The following FGFR2 variants were observed in gnomAD, a reference collection of about 807,000 sequenced individuals.
FGFR2 encodes the protein BEK fibroblast growth factor receptor.
FGFR2 carries 19 observed loss-of-function variants against 95.9 expected under a neutral mutation model. That is an observed-to-expected ratio of 0.20 (90% confidence interval 0.14 to 0.29). The LOEUF is 0.29. Among genes scored for constraint, FGFR2 ranks in the 10% least tolerant of loss-of-function variants. The pLI is 1.00. For missense variants in FGFR2, 707 were observed against 1,056.9 expected (o/e 0.67, Z 4.59); for synonymous variants, 392 against 393.3 (o/e 1.00, Z 0.04).
At chr10:121,509,133 C>T (rs574694051) in intron 9 of FGFR2, among the ~76,000 whole-genome samples, 6 of 152,198 alleles carry the variant, frequency 3.9e-5, no homozygotes, top group Admixed American at 6.5e-5. Flanking sequence ...TCTTCAATTC[C>T]TACCTAGAAA....
intron 11 of FGFR2, 119 bp downstream of exon 11, chr10:121,500,707 T>C: frequency 2.2e-6 from 3 of 1,393,660 alleles, no homozygotes; most frequent in Non-Finnish European, 3.0e-6. Context: ...TCTCAACCCC[T>C]AGGTCAACTA....
At chr10:121,521,977 A>AC (rs1850616026) in intron 6 of FGFR2, among the ~76,000 whole-genome samples, 1 of 152,148 alleles carries the variant, frequency 6.6e-6, no homozygotes, top group Non-Finnish European at 1.5e-5. Context: ...AGAAGGAGGA[A>AC]ATGGTGCAAT....
chr10:121,501,944 G>A (rs186021926), intron 10 of FGFR2, among the ~76,000 whole-genome samples: 59 of 152,240 alleles, frequency 3.9e-4, no homozygotes, highest in Non-Finnish European at 6.9e-4. Context: ...TTCTGCCTCC[G>A]ATCTAATAAA....
At chr10:121,534,286 A>T (rs1249016424) in intron 6 of FGFR2, among the ~76,000 whole-genome samples, 2 of 151,714 alleles carry the variant, frequency 1.3e-5, no homozygotes, top group African/African-American at 4.8e-5. Context: ...TTTGGTAGAG[A>T]CGGGGTTTCA....
chr10:121,560,996 A>T (rs2135028948), intron 4 of FGFR2, among the ~76,000 whole-genome samples: 1 of 152,340 alleles, frequency 6.6e-6, no homozygotes, highest in East Asian at 1.9e-4. Context: ...TCCTCTTGAC[A>T]AAAAGTAAAA....
chr10:121,493,017 C>T (rs994959358), intron 13 of FGFR2, among the ~76,000 whole-genome samples: 1 of 152,116 alleles, frequency 6.6e-6, no homozygotes, highest in African/African-American at 2.4e-5. Flanking sequence ...CTCCACTCTT[C>T]AGACCTACAA....
At chr10:121,559,350 A>C (rs1221402691) in intron 4 of FGFR2, among the ~76,000 whole-genome samples, 1 of 152,178 alleles carries the variant, frequency 6.6e-6, no homozygotes, top group African/African-American at 2.4e-5. Context: ...CGGGTCAGGC[A>C]TTTGACACTT....
In FGFR2 at chr10:121,559,870, GC is replaced by G. The variant is rs371268195; in HGVS notation, c.454+4631del. ...GCATATAATCCTTCTGAACCACTCA[GC>G]CTGCCTGTCATGTAATCCATACCTT... On this transcript the variant is annotated intron_variant, in intron 4 of 17. Coordinates refer to ENST00000358487, the MANE Select transcript of FGFR2 (RefSeq NM_000141.5). 2.0e-5 allele frequency among the ~76,000 whole-genome samples: 3 copies of G among 152,182 alleles called. No individual in the cohort carries two copies. The South Asian group carries it at 6.2e-4, about 32-fold the overall frequency.
rs984802189 is a variant in FGFR2 at position 121,598,068 on chromosome 10, G to T, written c.-257C>A. Reference sequence around the variant, plus strand: ...GTTGCGGGGAGCAACTCCAAACGCAGAAGAGTGGTCCTTGGGTCTTCGCCG... The same window carrying T: ...GTTGCGGGGAGCAACTCCAAACGCATAAGAGTGGTCCTTGGGTCTTCGCCG... On this transcript the variant is annotated 5_prime_UTR_variant, in exon 1 of 18. It adds an upstream start codon to the 5' untranslated region. Coordinates refer to ENST00000358487, the MANE Select transcript of FGFR2 (RefSeq NM_000141.5). 1 of 398,292 alleles carries T rather than the reference G, an allele frequency of 2.5e-6. No individual in the cohort carries two copies. Among genetic ancestry groups the T allele is most frequent in the African/African-American group, 2.1e-5 (1 of 48,762 alleles). The allele number at this position is 398,292 out of a possible 1,614,324, so 24.7% of individuals were successfully genotyped here. A position where few individuals can be genotyped will look rare whatever the true frequency, so the allele number is the denominator to read the frequency against.
Position 121,478,423 on chromosome 10 carries a change from T to C in FGFR2, c.*1434A>G, listed in dbSNP as rs1298582004. On this transcript the variant is annotated 3_prime_UTR_variant, in exon 18 of 18. Coordinates refer to ENST00000358487, the MANE Select transcript of FGFR2 (RefSeq NM_000141.5). ...ATTGTCAGTATAAAAATTAACAGGT[T>C]TTATTAAATACTTTCTCCAATTTTG... 2 of 233,388 alleles carry C rather than the reference T, an allele frequency of 8.6e-6. No individual in the cohort carries two copies. The highest frequency in any genetic ancestry group is 4.4e-5 in the African/African-American group (2 of 45,340). 14.5% of individuals were successfully genotyped at this position (233,388 alleles called of 1,614,324 possible).
intron 5 of FGFR2, among the ~76,000 whole-genome samples, chr10:121,549,440 G>A (rs1164703685): frequency 6.6e-6 from 1 of 152,214 alleles, no homozygotes; most frequent in African/African-American, 2.4e-5. Context: ...CTGAGCTAAA[G>A]AGCGTCTTCT....
chr10:121,485,523 G>A lies in FGFR2; in HGVS notation c.2067C>T (p.Phe689=), dbSNP rs369130429. The A allele has an allele frequency of 6.8e-6, 11 of 1,613,620 alleles. No individual in the cohort carries two copies. The highest frequency in any genetic ancestry group is 3.3e-5 in the Admixed American group (2 of 59,966). ...TGAAGATCTCCCACATTAACACCCC[G>A]AAGGACCAGCTGCAACAAAAGGAGA... ...VYTHQSDVWS[F]GVLMWEIFTL... The change falls in exon 16 of 18, where the codon TTC becomes TTT. Residue 689 remains phenylalanine (F), a synonymous_variant. Coordinates refer to ENST00000358487, the MANE Select transcript of FGFR2 (RefSeq NM_000141.5). This position sits in a 1 kb window ranked among gnomAD's most constrained non-coding sequence, Gnocchi z 4.2.
At chr10:121,483,660 C>T (rs190789646) in intron 17 of FGFR2, 38 bp downstream of exon 17, 1 of 1,482,456 alleles carries the variant, frequency 6.7e-7, no homozygotes, top group African/African-American at 1.4e-5. Flanking sequence ...TCTCACAAGA[C>T]AACCAAGGAC....
intron 12 of FGFR2, 35 bp downstream of exon 12, chr10:121,498,460 G>A: frequency 1.5e-6 from 2 of 1,303,220 alleles, no homozygotes; most frequent in Non-Finnish European, 2.2e-6. Flanking sequence ...AAACTGCAGA[G>A]TATTTGGGCG....
rs1287350121 is a variant in FGFR2 at position 121,551,562 on chromosome 10, G to A, written c.455-103C>T. ...CATTTCGCTTTGCATGTAAATGCTAGGCTATTTTTTAAATCTTTGGGTAAT... is the reference window on the plus strand; with the variant it reads ...CATTTCGCTTTGCATGTAAATGCTAAGCTATTTTTTAAATCTTTGGGTAAT... On this transcript the variant is annotated intron_variant, in intron 4 of 17. Transcript: ENST00000358487. 4 of 1,062,778 alleles carry A rather than the reference G, an allele frequency of 3.8e-6. No individual in the cohort carries two copies. The Admixed American group carries it at 6.5e-5, about 17-fold the overall frequency. The allele number at this position is 1,062,778 out of a possible 1,614,324, so 65.8% of individuals were successfully genotyped here.
intron 13 of FGFR2, among the ~76,000 whole-genome samples, chr10:121,493,365 C>G (rs1341291599): frequency 6.6e-6 from 1 of 152,150 alleles, no homozygotes; most frequent in Admixed American, 6.5e-5. Context: ...CTGCCAGCTC[C>G]AAAACAGGAA....
At chr10:121,497,607 G>C (rs569300985) in intron 12 of FGFR2, among the ~76,000 whole-genome samples, 29 of 152,198 alleles carry the variant, frequency 1.9e-4, no homozygotes, top group South Asian at 1.2e-3. Context: ...CAAACAGTAG[G>C]CAATGAACAT....
Position 121,538,753 on chromosome 10 carries a change from C to T in FGFR2, c.625-38G>A, listed in dbSNP as rs757111699. The T allele has an allele frequency of 1.9e-6, 3 of 1,613,900 alleles. No individual in the cohort carries two copies. The African/African-American group carries it at 4.0e-5, about 22-fold the overall frequency. On this transcript the variant is annotated intron_variant, in intron 5 of 17. Coordinates refer to ENST00000358487, the MANE Select transcript of FGFR2 (RefSeq NM_000141.5). ...AAGCAAAGGCGGTTATTTAACAATCCTAGCACAGAATACCAAGTACTGTGC... is the reference window on the plus strand; with the variant it reads ...AAGCAAAGGCGGTTATTTAACAATCTTAGCACAGAATACCAAGTACTGTGC...
intron 2 of FGFR2, among the ~76,000 whole-genome samples, chr10:121,592,470 T>G (rs1384979105): frequency 6.6e-6 from 1 of 152,186 alleles, no homozygotes; most frequent in Non-Finnish European, 1.5e-5. Context: ...GCCATCCCTC[T>G]GTGTAACGAA....
Sources: allele counts gnomAD v4.1 joint callset (sites outside exome capture counted in the v4.1 genomes callset), GRCh38; gene constraint gnomAD v4.1.1; non-coding constraint Gnocchi (gnomAD v3.1); transcripts MANE v1.5; gene names NCBI Gene and HGNC (gene_info 2026-07-23, HGNC 2026-07-21).